Variants in LLCFC1 observed in about 807,000 individuals in gnomAD.
LLCFC1 encodes sperm-oocyte fusion factor 1.
A neutral mutation model predicts 9.8 loss-of-function variants in LLCFC1; 14 were observed. That is an observed-to-expected ratio of 1.43 (90% confidence interval 0.95 to 2.24). The LOEUF is 2.24. Among genes scored for constraint, LLCFC1 ranks in the 30% most tolerant of loss-of-function variants. The probability of loss-of-function intolerance (pLI) is 0.00; values close to 1 mark genes in which losing one functional copy is unlikely to be tolerated. For missense variants in LLCFC1, 162 were observed against 148.0 expected (o/e 1.09, Z -0.49); for synonymous variants, 70 against 58.8 (o/e 1.19, Z -0.87).
chr7:142,940,751 G>C lies in LLCFC1; in HGVS notation c.*164G>C. 1.5e-6 allele frequency: 1 copy of C among 649,894 alleles called. No homozygotes were observed. Among genetic ancestry groups the C allele is most frequent in the East Asian group, 2.7e-5 (1 of 36,780 alleles). 40.3% of individuals were successfully genotyped at this position (649,894 alleles called of 1,614,324 possible). ...TCCAGGTTCGGAGTTTCATCTCCCAGGGCCAGAGACAGCAGACCCACATCC... is the reference window on the plus strand; with the variant it reads ...TCCAGGTTCGGAGTTTCATCTCCCACGGCCAGAGACAGCAGACCCACATCC... On this transcript the variant is annotated 3_prime_UTR_variant, in exon 2 of 2. Transcript: ENST00000409607.
chr7:142,939,996 A>G (rs1796303679), intron 1 of LLCFC1, among the ~76,000 whole-genome samples: 1 of 151,966 alleles, frequency 6.6e-6, no homozygotes, highest in Non-Finnish European at 1.5e-5. Flanking sequence ...CTTGCATGCA[A>G]CTTCTGTGTG....
chr7:142,940,590 C>T lies in LLCFC1; in HGVS notation c.*3C>T. 6 of 1,609,870 alleles carry T rather than the reference C, an allele frequency of 3.7e-6. No homozygotes were observed. Among genetic ancestry groups the T allele is most frequent in the Non-Finnish European group, 5.1e-6 (6 of 1,176,144 alleles). ...TCTGCTTCATGCTCACTCACTGACC[C>T]TCCCTCCCTCCTGGGCTCCAGGTCA... On this transcript the variant is annotated 3_prime_UTR_variant, in exon 2 of 2. Coordinates refer to ENST00000409607, the MANE Select transcript of LLCFC1 (RefSeq NM_001382496.1).
At chr7:142,939,918 G>T (rs1796301750) in intron 1 of LLCFC1, among the ~76,000 whole-genome samples, 164 bp downstream of exon 1, 1 of 152,176 alleles carries the variant, frequency 6.6e-6, no homozygotes. Flanking sequence ...TGGTTTATGG[G>T]GGGTAACTCC....
At position 142,939,583 on chromosome 7, in the gene LLCFC1, G is replaced by A. The variant is rs1167660116; in HGVS notation, c.-39G>A. On this transcript the variant is annotated 5_prime_UTR_variant, in exon 1 of 2. Transcript: ENST00000409607. ...GGTGCACGGATCCTGCTGGGCACTGGGAGCAGGGGGCGGCCAAAGGCAGTG... is the reference window on the plus strand; with the variant it reads ...GGTGCACGGATCCTGCTGGGCACTGAGAGCAGGGGGCGGCCAAAGGCAGTG... 4 of 1,592,084 alleles carry A rather than the reference G, an allele frequency of 2.5e-6. No individual in the cohort carries two copies. The highest frequency in any genetic ancestry group is 2.6e-6 in the Non-Finnish European group (3 of 1,168,492).
chr7:142,939,607 T>C lies in LLCFC1; in HGVS notation c.-15T>C, dbSNP rs11977017. 0.092 allele frequency: 147,990 copies of C among 1,606,830 alleles called. 14,862 individuals carry two copies. Among genetic ancestry groups the C allele is most frequent in the African/African-American group, 0.53 (39,634 of 74,650 alleles). On this transcript the variant is annotated 5_prime_UTR_variant, in exon 1 of 2. Coordinates refer to ENST00000409607, the MANE Select transcript of LLCFC1 (RefSeq NM_001382496.1). ...GGGAGCAGGGGGCGGCCAAAGGCAG[T>C]GGGTGGGCAGGTCCATGCCTCCCCT...
Position 142,939,716 on chromosome 7 carries a change from C to T in LLCFC1, c.95C>T (p.Pro32Leu). ...AAGCCTCTGAACGGGAGCCCAGGCC[C>T]CAAAGATGGGAGCCAGACAGAGAAA... ...QVKPLNGSPG[P>L]KDGSQTEKTP... The change falls in exon 1 of 2, where the codon CCC (proline) becomes CTC (leucine). Residue 32 changes from proline to leucine, a missense_variant. Pro to Leu is a moderately conservative substitution (Grantham distance 98). Transcript: ENST00000409607. The T allele has an allele frequency of 2.5e-6, 4 of 1,613,920 alleles. No homozygotes were observed. The highest frequency in any genetic ancestry group is 3.4e-6 in the Non-Finnish European group (4 of 1,179,906).
At position 142,940,190 on chromosome 7, in the gene LLCFC1, G is replaced by GA. The variant is rs1291295615; in HGVS notation, c.134-156dup. 3.3e-5 allele frequency among the ~76,000 whole-genome samples: 5 copies of GA among 150,102 alleles called. No individual in the cohort carries two copies. In the East Asian group the frequency reaches 5.9e-4, roughly 18 times the overall value. Reference sequence around the variant, plus strand: ...TGGGGCTGTGATTGAACACAGACCAGAAAAAACCTCTAGAAAGAGCATCCC... The same window carrying GA: ...TGGGGCTGTGATTGAACACAGACCAGAAAAAAACCTCTAGAAAGAGCATCCC... On this transcript the variant is annotated intron_variant, in intron 1 of 1. Coordinates refer to ENST00000409607, the MANE Select transcript of LLCFC1 (RefSeq NM_001382496.1).
Position 142,939,573 on chromosome 7 carries a change from C to T in LLCFC1, c.-49C>T. ...TGGGGCAGGAGGTGCACGGATCCTG[C>T]TGGGCACTGGGAGCAGGGGGCGGCC... is the stretch of plus-strand genomic sequence containing the variant. On this transcript the variant is annotated 5_prime_UTR_variant, in exon 1 of 2. Coordinates refer to ENST00000409607, the MANE Select transcript of LLCFC1 (RefSeq NM_001382496.1). The T allele has an allele frequency of 6.3e-7, 1 of 1,585,586 alleles. No homozygotes were observed. The highest frequency in any genetic ancestry group is 1.2e-5 in the South Asian group (1 of 86,418).
At position 142,940,238 on chromosome 7, in the gene LLCFC1, A is replaced by ATGGGCAAT. The variant is rs1458400640; in HGVS notation, c.134-109_134-102dup. 6.1e-4 allele frequency: 472 copies of ATGGGCAAT among 779,490 alleles called. 1 individual carries two copies. The highest frequency in any genetic ancestry group is 1.5e-3 in the Middle Eastern group (5 of 3,250). The allele number at this position is 779,490 out of a possible 1,614,324, so 48.3% of individuals were successfully genotyped here. Reference sequence around the variant, plus strand: ...CCCCTCTCTGGTGAAGGCTAAGGATATGGGCAATTGGGACTGCAGCCCTAG... The same window carrying ATGGGCAAT: ...CCCCTCTCTGGTGAAGGCTAAGGATATGGGCAATTGGGCAATTGGGACTGCAGCCCTAG... On this transcript the variant is annotated intron_variant, in intron 1 of 1. Transcript: ENST00000409607.
intron 1 of LLCFC1, 99 bp from the exon 2 acceptor site, chr7:142,940,253 T>G: frequency 6.6e-6 from 6 of 912,546 alleles, no homozygotes; most frequent in Non-Finnish European, 1.0e-5. Context: ...CAATTGGGAC[T>G]GCAGCCCTAG....
chr7:142,939,647 G>T lies in LLCFC1; in HGVS notation c.26G>T (p.Cys9Phe). Reference sequence around the variant, plus strand: ...ATGCCTCCCCTGGCCCCCCAGCTCTGCAGGGCAGTGTTCCTGGTTCCTATC... The same window carrying T: ...ATGCCTCCCCTGGCCCCCCAGCTCTTCAGGGCAGTGTTCCTGGTTCCTATC... MPPLAPQL[C>F]RAVFLVPILL... The change falls in exon 1 of 2, where the codon TGC (cysteine) becomes TTC (phenylalanine). Residue 9 changes from cysteine (C) to phenylalanine (F), a missense_variant. Physicochemically the swap from Cys to Phe is radical, Grantham distance 205. Coordinates refer to ENST00000409607, the MANE Select transcript of LLCFC1 (RefSeq NM_001382496.1). 1 of 1,613,948 alleles carries T rather than the reference G, an allele frequency of 6.2e-7. No homozygotes were observed. The highest frequency in any genetic ancestry group is 8.5e-7 in the Non-Finnish European group (1 of 1,179,900).
Position 142,940,644 on chromosome 7 carries a change from T to C in LLCFC1, c.*57T>C. ...CTCCCAAAGGAGATGCAGGCATGGCTCTCTGCCTCTGATCACCATCACTGT... is the reference window on the plus strand; with the variant it reads ...CTCCCAAAGGAGATGCAGGCATGGCCCTCTGCCTCTGATCACCATCACTGT... On this transcript the variant is annotated 3_prime_UTR_variant, in exon 2 of 2. Transcript: ENST00000409607. The C allele has an allele frequency of 1.5e-6, 2 of 1,367,320 alleles. No homozygotes were observed. Among genetic ancestry groups the C allele is most frequent in the Non-Finnish European group, 2.1e-6 (2 of 960,558 alleles). 84.7% of individuals were successfully genotyped at this position (1,367,320 alleles called of 1,614,324 possible). A position where few individuals can be genotyped will look rare whatever the true frequency, so the allele number is the denominator to read the frequency against.
chr7:142,940,268 C>T, intron 1 of LLCFC1, 84 bp from the exon 2 acceptor site: 1 of 1,073,208 alleles, frequency 9.3e-7, no homozygotes, highest in Non-Finnish European at 1.4e-6. Context: ...CCCTAGGCTT[C>T]AACGTGTTTT....
chr7:142,939,830 C>A, intron 1 of LLCFC1, 76 bp downstream of exon 1: 1 of 1,459,718 alleles, frequency 6.9e-7, no homozygotes, highest in South Asian at 1.3e-5. Context: ...ACGGGAGAGT[C>A]TGGAGGCTCA....
At position 142,939,681 on chromosome 7, in the gene LLCFC1, G is replaced by C; in HGVS notation, c.60G>C (p.Leu20=). The change falls in exon 1 of 2, where the codon CTG becomes CTC. Residue 20 remains leucine (L), a synonymous_variant. Transcript: ENST00000409607. ...TGTTCCTGGTTCCTATCTTGCTGCT[G>C]CTGCAGGTGAAGCCTCTGAACGGGA... The part of the protein sequence containing the change: ...RAVFLVPILL[L]LQVKPLNGSP... 1 of 1,614,190 alleles carries C rather than the reference G, an allele frequency of 6.2e-7. No individual in the cohort carries two copies. Among genetic ancestry groups the C allele is most frequent in the Non-Finnish European group, 8.5e-7 (1 of 1,180,028 alleles).
rs1463460044 is a variant in LLCFC1, at chr7:142,939,633, G to C, written c.12G>C (p.Leu4=). 5.0e-6 allele frequency: 8 copies of C among 1,612,946 alleles called. No individual in the cohort carries two copies. Among genetic ancestry groups the C allele is most frequent in the South Asian group, 3.3e-5 (3 of 90,956 alleles). MPP[L]APQLCRAVFL... ...GGGTGGGCAGGTCCATGCCTCCCCT[G>C]GCCCCCCAGCTCTGCAGGGCAGTGT... The change falls in exon 1 of 2, where the codon CTG becomes CTC. Residue 4 remains leucine (L), a synonymous_variant. Coordinates refer to ENST00000409607, the MANE Select transcript of LLCFC1 (RefSeq NM_001382496.1).
Position 142,939,488 on chromosome 7 carries a change from G to A in LLCFC1, c.-134G>A, listed in dbSNP as rs781358765. 2 of 1,462,542 alleles carry A rather than the reference G, an allele frequency of 1.4e-6. No individual in the cohort carries two copies. The highest frequency in any genetic ancestry group is 1.4e-5 in the African/African-American group (1 of 70,528). The allele number at this position is 1,462,542 out of a possible 1,614,324, so 90.6% of individuals were successfully genotyped here. Reference sequence around the variant, plus strand: ...TGTCACAGAACATGTGAAGTCAGAGGTCCTATGGAAGGTGAGGGGAGAAAA... The same window carrying A: ...TGTCACAGAACATGTGAAGTCAGAGATCCTATGGAAGGTGAGGGGAGAAAA... On this transcript the variant is annotated 5_prime_UTR_variant, in exon 1 of 2. Transcript: ENST00000409607.
At chr7:142,939,942 T>A (rs908009839) in intron 1 of LLCFC1, among the ~76,000 whole-genome samples, 188 bp downstream of exon 1, 12 of 152,100 alleles carry the variant, frequency 7.9e-5, no homozygotes, top group African/African-American at 2.9e-4. Flanking sequence ...CACTGATGGT[T>A]ATCATGTGAA....
In LLCFC1 at chr7:142,939,572, G is replaced by A; in HGVS notation, c.-50G>A. 3.2e-6 allele frequency: 5 copies of A among 1,585,692 alleles called. No homozygotes were observed. Among genetic ancestry groups the A allele is most frequent in the Non-Finnish European group, 4.3e-6 (5 of 1,165,682 alleles). On this transcript the variant is annotated 5_prime_UTR_variant, in exon 1 of 2. Coordinates refer to ENST00000409607, the MANE Select transcript of LLCFC1 (RefSeq NM_001382496.1). ...ATGGGGCAGGAGGTGCACGGATCCT[G>A]CTGGGCACTGGGAGCAGGGGGCGGC... is the stretch of plus-strand genomic sequence containing the variant.
Sources: allele counts gnomAD v4.1 joint callset (sites outside exome capture counted in the v4.1 genomes callset), GRCh38; gene constraint gnomAD v4.1.1; transcripts MANE v1.5; gene names NCBI Gene and HGNC (gene_info 2026-07-23, HGNC 2026-07-21).